PGS1: variants seen among roughly 807,000 people sequenced by gnomAD.
PGS1 encodes phosphatidylglycerophosphate synthase 1.
A neutral mutation model predicts 58.3 loss-of-function variants in PGS1; 44 were observed. The ratio of observed to expected loss-of-function variants is 0.75; its 90% CI spans 0.59 to 0.97. The LOEUF (loss-of-function observed/expected upper bound fraction) is 0.97, where lower values mean the gene tolerates loss of function less well. Ranked by LOEUF, PGS1 falls within the 50% of genes least tolerant of loss-of-function variation. PGS1 has a pLI of 0.00. For synonymous variants in PGS1, 330 were observed against 311.0 expected (o/e 1.06, Z -0.64); for missense variants, 684 against 731.1 (o/e 0.94, Z 0.74).
At chr17:78,417,141 T>C (rs1340067788) in intron 8 of PGS1, among the ~76,000 whole-genome samples, 1 of 152,228 alleles carries the variant, frequency 6.6e-6, no homozygotes, top group Non-Finnish European at 1.5e-5. Flanking sequence ...AAAGACTCCC[T>C]CGAACAGCGT....
intron 1 of PGS1, chr17:78,382,636 G>GTCTT (rs1449837241): frequency 8.0e-5 from 6 of 75,134 alleles, no homozygotes; most frequent in African/African-American, 3.5e-4. Context: ...ACACAGAATG[G>GTCTT]TTTTTTTTTT....
rs979471789 is a variant in PGS1 at position 78,400,427 on chromosome 17, G to T, written c.702-250G>T. ...TGTGGTTAGTTGACTTTCTGTGTCT[G>T]CATCTCCTCTTCTCAGCTACACTGT... On this transcript the variant is annotated intron_variant, in intron 5 of 9. Coordinates refer to ENST00000262764, the MANE Select transcript of PGS1 (RefSeq NM_024419.5). The surrounding 1 kb of genome is among the most constrained non-coding windows in gnomAD (Gnocchi z 4.4). Among the ~76,000 whole-genome samples, 1 of 151,904 alleles carries T rather than the reference G, an allele frequency of 6.6e-6. No homozygotes were observed. The highest frequency in any genetic ancestry group is 1.5e-5 in the Non-Finnish European group (1 of 67,990).
intron 9 of PGS1, 84 bp downstream of exon 9, chr17:78,419,759 C>T (rs1410296845): frequency 1.3e-6 from 2 of 1,583,286 alleles, no homozygotes; most frequent in Non-Finnish European, 1.7e-6. Context: ...TCAACCAGAG[C>T]TTCCAGAGGG....
At chr17:78,416,014 G>A (rs2085156359) in intron 8 of PGS1, among the ~76,000 whole-genome samples, 1 of 152,262 alleles carries the variant, frequency 6.6e-6, no homozygotes, top group South Asian at 2.1e-4. Context: ...AATTGTCAGA[G>A]CCTTTGTTGA....
rs1370658529 is a variant in PGS1 at position 78,403,983 on chromosome 17, T to C, written c.1296T>C (p.Tyr432=). The change falls in exon 7 of 10, where the codon TAT becomes TAC. Residue 432 remains tyrosine (Y), a synonymous_variant. Coordinates refer to ENST00000262764, the MANE Select transcript of PGS1 (RefSeq NM_024419.5). ...KGVAGAIPAA[Y]VHIERQFFSE... is the part of the protein sequence containing the mutation. ...TGGCCGGCGCCATCCCAGCGGCCTA[T>C]GTGCACATCGAGCGACAGTTCTTCA... 1.2e-6 allele frequency: 2 copies of C among 1,614,022 alleles called. No individual in the cohort carries two copies. The highest frequency in any genetic ancestry group is 1.7e-6 in the Non-Finnish European group (2 of 1,179,976).
intron 2 of PGS1, 57 bp downstream of exon 2, chr17:78,392,722 G>A (rs542181061): frequency 7.0e-7 from 1 of 1,419,022 alleles, no homozygotes; most frequent in Admixed American, 1.8e-5. Flanking sequence ...GATCAGGTTG[G>A]TGAGTCCTGA....
At chr17:78,399,644 CTTGT>C in intron 5 of PGS1, 107 bp downstream of exon 5, 1 of 1,114,270 alleles carries the variant, frequency 9.0e-7, no homozygotes, top group Non-Finnish European at 1.3e-6. Flanking sequence ...GGAGAACCTG[CTTGT>C]AGGTCTGGCT....
In PGS1 at chr17:78,424,139, T is replaced by G. The variant is rs1314844031; in HGVS notation, c.*89T>G. ...GCTTCAGCGATGACTCCAGTCTGGGTGTCCCAGCGAGCCCCTGCAGGGACA... is the reference window on the plus strand; with the variant it reads ...GCTTCAGCGATGACTCCAGTCTGGGGGTCCCAGCGAGCCCCTGCAGGGACA... On this transcript the variant is annotated 3_prime_UTR_variant, in exon 10 of 10. Transcript: ENST00000262764. The G allele has an allele frequency of 3.1e-6, 5 of 1,611,706 alleles. No homozygotes were observed. Among genetic ancestry groups the G allele is most frequent in the Non-Finnish European group, 4.2e-6 (5 of 1,179,142 alleles).
At chr17:78,379,529 G>A (rs2081884507) in intron 1 of PGS1, among the ~76,000 whole-genome samples, 2 of 152,052 alleles carry the variant, frequency 1.3e-5, no homozygotes, top group South Asian at 4.2e-4. Flanking sequence ...AAAAAAAAGG[G>A]GATAAATAAT....
intron 9 of PGS1, 139 bp downstream of exon 9, chr17:78,419,814 G>T: frequency 1.4e-6 from 2 of 1,462,836 alleles, no homozygotes; most frequent in Non-Finnish European, 1.8e-6. Flanking sequence ...GCATCTTCAG[G>T]GGTATGGCAG....
At chr17:78,381,180 G>T (rs1338471787) in intron 1 of PGS1, among the ~76,000 whole-genome samples, 1 of 152,114 alleles carries the variant, frequency 6.6e-6, no homozygotes, top group East Asian at 1.9e-4. Flanking sequence ...GGGCAGTGTG[G>T]CAGTGGAGAT....
intron 9 of PGS1, 168 bp from the exon 10 acceptor site, chr17:78,423,893 A>G: frequency 1.9e-6 from 3 of 1,613,516 alleles, no homozygotes; most frequent in Non-Finnish European, 2.5e-6. Context: ...GTGGGCTGTG[A>G]GGCAGGAGCG....
chr17:78,419,754 C>CT, intron 9 of PGS1, 79 bp downstream of exon 9: 2 of 1,584,986 alleles, frequency 1.3e-6, no homozygotes. Flanking sequence ...CTGACTCAAC[C>CT]AGAGCTTCCA....
chr17:78,378,908 A>AGTC, intron 1 of PGS1, 100 bp downstream of exon 1: 2 of 1,246,132 alleles, frequency 1.6e-6, no homozygotes, highest in Non-Finnish European at 2.1e-6. Context: ...ATCCGCAGCG[A>AGTC]GTCCCTCCCC....
chr17:78,423,826 A>G, intron 9 of PGS1: 1 of 1,526,484 alleles, frequency 6.6e-7, no homozygotes, highest in Non-Finnish European at 8.9e-7. Context: ...GTTCCTGTAA[A>G]GAATAAGTCA....
chr17:78,399,766 C>A (rs1167938554), intron 5 of PGS1, among the ~76,000 whole-genome samples: 1 of 152,232 alleles, frequency 6.6e-6, no homozygotes, highest in African/African-American at 2.4e-5. Context: ...CTGTGCTGGC[C>A]ACTCAGGTAT....
intron 3 of PGS1, 147 bp downstream of exon 3, chr17:78,396,532 G>C: frequency 1.6e-6 from 1 of 633,738 alleles, no homozygotes; most frequent in South Asian, 2.0e-5. Flanking sequence ...CCCAGATATG[G>C]GCATGTCAGG....
At chr17:78,409,995 C>T (rs563999227) in intron 7 of PGS1, among the ~76,000 whole-genome samples, 13 of 152,194 alleles carry the variant, frequency 8.5e-5, no homozygotes, top group South Asian at 8.3e-4. Flanking sequence ...TCTGTAATCC[C>T]GGCTACTCGG....
intron 9 of PGS1, chr17:78,420,742 G>A (rs1223076107): frequency 2.0e-5 from 3 of 152,194 alleles, no homozygotes; most frequent in Non-Finnish European, 2.9e-5. Flanking sequence ...TATTTGAATA[G>A]TGTGTGCAAA....
Sources: gnomAD v4.1 joint callset for allele counts (sites outside exome capture counted in the v4.1 genomes callset) on GRCh38, gnomAD v4.1.1 for gene constraint, Gnocchi (gnomAD v3.1) non-coding constraint, MANE v1.5 for transcripts, NCBI Gene and HGNC (gene_info 2026-07-23, HGNC 2026-07-21) for gene names.